The following AGAP1 variants were observed in gnomAD, a reference collection of about 807,000 sequenced individuals.
The protein encoded by AGAP1 is arf-GAP with GTPase, ANK repeat and PH domain-containing protein 1.
A neutral mutation model predicts 105.3 loss-of-function variants in AGAP1; 29 were observed. That is an observed-to-expected ratio of 0.28 (90% CI 0.21 to 0.38). AGAP1 has a LOEUF of 0.38. Ranked by LOEUF, AGAP1 falls within the 10% of genes least tolerant of loss-of-function variation. The pLI is 1.00. For missense variants in AGAP1, 998 were observed against 1,165.1 expected (o/e 0.86, Z 2.09); for synonymous variants, 509 against 485.9 (o/e 1.05, Z -0.63).
chr2:235,678,749 C>T (rs548539899), intron 1 of AGAP1, among the ~76,000 whole-genome samples: 25 of 152,120 alleles, frequency 1.6e-4, no homozygotes, highest in Admixed American at 1.5e-3. Flanking sequence ...CCGCCCCCAC[C>T]TTGGGATCCT....
Position 235,725,389 on chromosome 2 carries a change from T to G in AGAP1, c.310+7745T>G, listed in dbSNP as rs13420174. 2.5e-3 allele frequency among the ~76,000 whole-genome samples: 375 copies of G among 152,000 alleles called. 1 individual carries two copies. The highest frequency in any genetic ancestry group is 8.8e-3 in the African/African-American group (364 of 41,442). The stretch of plus-strand genomic sequence containing the variant: ...CATGAAGTGTGTTTAAGCTGTCAGC[T>G]CCAAAAACCCTTTCCAAGTCAAATA... On this transcript the variant is annotated intron_variant, in intron 3 of 17. Coordinates refer to ENST00000304032, the MANE Select transcript of AGAP1 (RefSeq NM_001037131.3). This position sits in a 1 kb window ranked among gnomAD's most constrained non-coding sequence, Gnocchi z 5.7.
In AGAP1 at chr2:235,625,598, G is replaced by A. The variant is rs1446883160; in HGVS notation, c.164-83581G>A. Reference sequence around the variant, plus strand: ...GTTTATAAACTTCAGCTTAAAAGGTGGGGTTAATAGGGAACAACATAAATG... The same window carrying A: ...GTTTATAAACTTCAGCTTAAAAGGTAGGGTTAATAGGGAACAACATAAATG... On this transcript the variant is annotated intron_variant, in intron 1 of 17. Coordinates refer to ENST00000304032, the MANE Select transcript of AGAP1 (RefSeq NM_001037131.3). This position sits in a 1 kb window ranked among gnomAD's most constrained non-coding sequence, Gnocchi z 4.0. Among the ~76,000 whole-genome samples the A allele has an allele frequency of 6.6e-6, 1 of 152,182 alleles. No individual in the cohort carries two copies. Among genetic ancestry groups the A allele is most frequent in the Non-Finnish European group, 1.5e-5 (1 of 68,032 alleles).
rs1168523637 is a variant in AGAP1 at position 236,001,334 on chromosome 2, C to T, written c.1645+32711C>T. On this transcript the variant is annotated intron_variant, in intron 13 of 17. Transcript: ENST00000304032. The surrounding 1 kb of genome is among the most constrained non-coding windows in gnomAD (Gnocchi z 4.7). ...TTGTGGTTTCACGCCACCCAGCGTG[C>T]GGTGCATTGTGGCAGGTGCAGGCCG... Among the ~76,000 whole-genome samples, 1 of 152,194 alleles carries T rather than the reference C, an allele frequency of 6.6e-6. No homozygotes were observed. The highest frequency in any genetic ancestry group is 2.4e-5 in the African/African-American group (1 of 41,442).
At chr2:235,779,633 G>A (rs1956135049) in intron 6 of AGAP1, among the ~76,000 whole-genome samples, 1 of 152,208 alleles carries the variant, frequency 6.6e-6, no homozygotes, top group African/African-American at 2.4e-5. Flanking sequence ...GGCTAGAGGT[G>A]CCCTTGGGGC....
In AGAP1 at chr2:235,590,688, TGTGC is replaced by T. The variant is rs1285866869; in HGVS notation, c.163+95843_163+95846del. ...TAATGTGTGTGTGTGTGTGTGTGCG[TGTGC>T]GTGTGTGTGTGTGTGTGTGTGCATT... On this transcript the variant is annotated intron_variant, in intron 1 of 17. Transcript: ENST00000304032. 2.1e-4 allele frequency among the ~76,000 whole-genome samples: 22 copies of T among 104,534 alleles called. No homozygotes were observed. In the East Asian group the frequency reaches 2.9e-3, roughly 14 times the overall value. The allele number at this position is 104,534 out of a possible 152,430, so 68.6% of individuals were successfully genotyped here.
In AGAP1 at chr2:235,729,116, A is replaced by G. The variant is rs538235556; in HGVS notation, c.310+11472A>G. On this transcript the variant is annotated intron_variant, in intron 3 of 17. Coordinates refer to ENST00000304032, the MANE Select transcript of AGAP1 (RefSeq NM_001037131.3). This position sits in a 1 kb window ranked among gnomAD's most constrained non-coding sequence, Gnocchi z 5.0. ...AGCACTGGCTTTGGAGGGGGACCTA[A>G]GAGGACAGATAGGGGAATCCCCAGG... Among the ~76,000 whole-genome samples the G allele has an allele frequency of 1.2e-4, 19 of 152,258 alleles. No individual in the cohort carries two copies. The highest frequency in any genetic ancestry group is 4.6e-4 in the African/African-American group (19 of 41,532).
In AGAP1 at chr2:236,000,633, T is replaced by A. The variant is rs1180550893; in HGVS notation, c.1645+32010T>A. 6.6e-6 allele frequency among the ~76,000 whole-genome samples: 1 copy of A among 152,158 alleles called. No individual in the cohort carries two copies. The highest frequency in any genetic ancestry group is 1.5e-5 in the Non-Finnish European group (1 of 68,038). ...TTAAGCAGGATGGGCATGGACATCG[T>A]TGGCACTCACTTCCCTGCAGGGAGG... On this transcript the variant is annotated intron_variant, in intron 13 of 17. Transcript: ENST00000304032. The surrounding 1 kb of genome is among the most constrained non-coding windows in gnomAD (Gnocchi z 4.3).
At chr2:235,707,640 T>C (rs187021780) in intron 1 of AGAP1, among the ~76,000 whole-genome samples, 720 of 68,122 alleles carry the variant, frequency 0.011, 25 homozygotes, top group African/African-American at 0.031. Flanking sequence ...CTCCCCAGCA[T>C]GTGACATGAT....
chr2:235,877,947 C>G lies in AGAP1; in HGVS notation c.1051-5398C>G, dbSNP rs1447789899. ...CAAATCAGATAACCCCTTCCTCCCT[C>G]CACCCTGCACACCTATGGCAGGGCC... On this transcript the variant is annotated intron_variant, in intron 9 of 17. Coordinates refer to ENST00000304032, the MANE Select transcript of AGAP1 (RefSeq NM_001037131.3). This position sits in a 1 kb window ranked among gnomAD's most constrained non-coding sequence, Gnocchi z 4.3. Among the ~76,000 whole-genome samples, 3 of 152,352 alleles carry G rather than the reference C, an allele frequency of 2.0e-5. No homozygotes were observed. The highest frequency in any genetic ancestry group is 7.2e-5 in the African/African-American group (3 of 41,588).
intron 1 of AGAP1, among the ~76,000 whole-genome samples, chr2:235,542,156 T>G (rs1943464549): frequency 6.6e-6 from 1 of 152,202 alleles, no homozygotes; most frequent in Admixed American, 6.5e-5. Context: ...CACTTTCATT[T>G]TTTGCAGCTG....
chr2:235,602,160 G>GA (rs925708689), intron 1 of AGAP1, among the ~76,000 whole-genome samples: 3 of 152,128 alleles, frequency 2.0e-5, no homozygotes, highest in Non-Finnish European at 2.9e-5. Flanking sequence ...GTAGTTGGGG[G>GA]AAAAAATCAA....
chr2:235,852,151 C>T (rs900553864), intron 9 of AGAP1, among the ~76,000 whole-genome samples: 5 of 152,160 alleles, frequency 3.3e-5, no homozygotes, highest in Non-Finnish European at 7.4e-5. Context: ...CCTGAGTGCT[C>T]ATTTTTCCCC....
intron 1 of AGAP1, among the ~76,000 whole-genome samples, chr2:235,652,986 C>T (rs1947644948): frequency 1.3e-5 from 2 of 151,992 alleles, no homozygotes; most frequent in South Asian, 4.2e-4. Flanking sequence ...AAAACAAGAA[C>T]GATACCAGTA....
intron 1 of AGAP1, among the ~76,000 whole-genome samples, chr2:235,573,057 CTTCTTTCTTCTTT>C (rs1944615492): frequency 1.5e-5 from 1 of 66,710 alleles, no homozygotes; most frequent in East Asian, 1.3e-3. Context: ...TCTTCTTCTT[CTTCTTTCTTCTTT>C]CTTCTTTCTT....
At chr2:235,500,400 CCT>C in intron 1 of AGAP1, among the ~76,000 whole-genome samples, 1 of 152,274 alleles carries the variant, frequency 6.6e-6, no homozygotes, top group Non-Finnish European at 1.5e-5. Context: ...CACGAATGTG[CCT>C]CTCTAAGAAG....
chr2:235,548,756 G>A (rs1943708987), intron 1 of AGAP1, among the ~76,000 whole-genome samples: 1 of 152,010 alleles, frequency 6.6e-6, no homozygotes, highest in African/African-American at 2.4e-5. Context: ...TCATTTGGCA[G>A]CAGAACCTGA....
intron 13 of AGAP1, among the ~76,000 whole-genome samples, chr2:236,019,572 C>T (rs956361774): frequency 3.3e-5 from 5 of 152,206 alleles, no homozygotes; most frequent in African/African-American, 9.6e-5. Flanking sequence ...GAAGGGCAGG[C>T]ATCAGCCCCA....
At chr2:235,791,401 ATTCT>A (rs1226270786) in intron 6 of AGAP1, among the ~76,000 whole-genome samples, 3 of 152,118 alleles carry the variant, frequency 2.0e-5, no homozygotes, top group Admixed American at 6.5e-5. Flanking sequence ...CGAATGGAAG[ATTCT>A]TTCTTTTTCT....
chr2:235,696,706 A>G (rs1395142284), intron 1 of AGAP1, among the ~76,000 whole-genome samples: 1 of 152,160 alleles, frequency 6.6e-6, no homozygotes, highest in East Asian at 1.9e-4. Flanking sequence ...TTTCCCATGC[A>G]TGTGCTGCAG....
Sources: gnomAD v4.1 joint callset for allele counts (sites outside exome capture counted in the v4.1 genomes callset) on GRCh38, gnomAD v4.1.1 for gene constraint, Gnocchi (gnomAD v3.1) non-coding constraint, MANE v1.5 for transcripts, NCBI Gene and HGNC (gene_info 2026-07-23, HGNC 2026-07-21) for gene names.